Variants in AKAP19 observed in about 807,000 individuals in gnomAD.
AKAP19 encodes small A-kinase anchoring protein.
chr2:190,059,783 T>A, the AKAP19 span, among the ~76,000 whole-genome samples: 3 of 151,976 alleles, frequency 2.0e-5, no homozygotes, highest in Admixed American at 2.0e-4. Context: ...AAAAGCACTT[T>A]ATATTTCATT....
the AKAP19 span, among the ~76,000 whole-genome samples, chr2:189,969,784 T>A: frequency 6.6e-6 from 1 of 151,426 alleles, no homozygotes; most frequent in Admixed American, 6.6e-5. Context: ...TATAAACATT[T>A]TGACCTAAGT....
chr2:189,973,159 C>A, the AKAP19 span, among the ~76,000 whole-genome samples: 3 of 152,118 alleles, frequency 2.0e-5, no homozygotes, highest in South Asian at 6.2e-4. Flanking sequence ...TACATCCCAT[C>A]AATACCTAAT....
At chr2:190,124,806 T>C in the AKAP19 span, among the ~76,000 whole-genome samples, 25 of 152,274 alleles carry the variant, frequency 1.6e-4, no homozygotes, top group Middle Eastern at 3.4e-3. Flanking sequence ...AAACACATTA[T>C]ACATCTGTAC....
chr2:189,994,685 G>A, the AKAP19 span, among the ~76,000 whole-genome samples: 48 of 151,774 alleles, frequency 3.2e-4, no homozygotes, highest in African/African-American at 1.1e-3. Context: ...TGCAACCTCC[G>A]CCTCCTGGGT....
chr2:189,985,880 CAT>C, the AKAP19 span, among the ~76,000 whole-genome samples: 1 of 151,976 alleles, frequency 6.6e-6, no homozygotes, highest in African/African-American at 2.4e-5. Flanking sequence ...AATTGGCAAA[CAT>C]GTAGGTAAAT....
the AKAP19 span, among the ~76,000 whole-genome samples, chr2:189,911,382 G>A: frequency 6.6e-6 from 1 of 151,936 alleles, no homozygotes; most frequent in Non-Finnish European, 1.5e-5. Flanking sequence ...ATTTTGAAGG[G>A]GATTTCTAGA....
the AKAP19 span, among the ~76,000 whole-genome samples, chr2:189,900,300 T>C: frequency 6.6e-6 from 1 of 152,124 alleles, no homozygotes; most frequent in African/African-American, 2.4e-5. Flanking sequence ...AGAATGCGAC[T>C]TTTTTTCAAG....
At chr2:189,901,878 C>T in the AKAP19 span, among the ~76,000 whole-genome samples, 1 of 152,016 alleles carries the variant, frequency 6.6e-6, no homozygotes, top group African/African-American at 2.4e-5. Context: ...TTTCTTTCCT[C>T]ATCTGTCAAA....
the AKAP19 span, among the ~76,000 whole-genome samples, chr2:190,101,615 A>G: frequency 1.3e-5 from 2 of 152,246 alleles, no homozygotes; most frequent in Non-Finnish European, 2.9e-5. Context: ...AAGGCTCAAC[A>G]AGAAGACTTA....
At chr2:189,918,778 C>T in the AKAP19 span, among the ~76,000 whole-genome samples, 1 of 152,068 alleles carries the variant, frequency 6.6e-6, no homozygotes, top group Admixed American at 6.5e-5. Context: ...GATATGTTGT[C>T]CACAAATGTA....
the AKAP19 span, among the ~76,000 whole-genome samples, chr2:189,933,719 T>C: frequency 1.3e-5 from 2 of 152,184 alleles, no homozygotes; most frequent in Non-Finnish European, 2.9e-5. Flanking sequence ...TTAATGATAA[T>C]AACCTATTTT....
chr2:190,037,742 C>G, the AKAP19 span, among the ~76,000 whole-genome samples: 1 of 152,126 alleles, frequency 6.6e-6, no homozygotes, highest in Admixed American at 6.5e-5. Context: ...ATGGTGTGAT[C>G]CCATGTCTAC....
chr2:190,064,933 GCTAAAATTTAT>G, the AKAP19 span, among the ~76,000 whole-genome samples: 1 of 152,090 alleles, frequency 6.6e-6, no homozygotes, highest in Non-Finnish European at 1.5e-5. Flanking sequence ...TTGCCTACTT[GCTAAAATTTAT>G]CTATGAAACT....
the AKAP19 span, among the ~76,000 whole-genome samples, chr2:190,093,441 A>C: frequency 1.3e-5 from 2 of 152,044 alleles, no homozygotes; most frequent in African/African-American, 4.8e-5. Flanking sequence ...TCAAAAAAAA[A>C]AGAAAACAAG....
At chr2:189,924,825 C>T in the AKAP19 span, among the ~76,000 whole-genome samples, 1 of 151,788 alleles carries the variant, frequency 6.6e-6, no homozygotes, top group African/African-American at 2.4e-5. Flanking sequence ...TTGTGAACAG[C>T]CTGATGTTTG....
At chr2:190,061,255 T>C in the AKAP19 span, among the ~76,000 whole-genome samples, 1 of 152,062 alleles carries the variant, frequency 6.6e-6, no homozygotes. Flanking sequence ...TTAAAGTATA[T>C]AAAGCATTGT....
chr2:190,115,794 A>G, the AKAP19 span, among the ~76,000 whole-genome samples: 7 of 152,224 alleles, frequency 4.6e-5, no homozygotes, highest in Admixed American at 1.3e-4. Flanking sequence ...AATGGGAGAA[A>G]TGGTCAGAGG....
At chr2:190,199,768 G>A in the AKAP19 span, 6 of 1,545,902 alleles carry the variant, frequency 3.9e-6, no homozygotes, top group South Asian at 6.4e-5. Flanking sequence ...GGAAAGCACT[G>A]GTCAACATCA....
chr2:189,962,650 T>C, the AKAP19 span, among the ~76,000 whole-genome samples: 9 of 152,132 alleles, frequency 5.9e-5, no homozygotes, highest in Non-Finnish European at 1.3e-4. Context: ...AGAAGAGAGA[T>C]GTTGGGTTGG....
Sources: allele counts gnomAD v4.1 joint callset (sites outside exome capture counted in the v4.1 genomes callset), GRCh38; gene constraint gnomAD v4.1.1; transcripts MANE v1.5; gene names NCBI Gene and HGNC (gene_info 2026-07-23, HGNC 2026-07-21).